VPS13D: variants seen among roughly 807,000 people sequenced by gnomAD.
The protein encoded by VPS13D is vacuolar protein sorting 13 homolog D.
VPS13D carries 187 observed loss-of-function variants against 461.9 expected under a neutral mutation model. That is an observed-to-expected ratio of 0.40 (90% CI 0.36 to 0.46). The LOEUF (loss-of-function observed/expected upper bound fraction) is 0.46. Among genes scored for constraint, VPS13D ranks in the 20% least tolerant of loss-of-function variants. The pLI is 0.60. For synonymous variants in VPS13D, 1,951 were observed against 1,986.3 expected, an observed-to-expected ratio of 0.98 and a Z score of 0.47; for missense variants, 4,711 against 5,364.9, an observed-to-expected ratio of 0.88 and a Z score of 3.81.
Position 12,401,157 on chromosome 1 carries a change from C to T in VPS13D, c.11785-451C>T, listed in dbSNP as rs367955117. On this transcript the variant is annotated intron_variant, in intron 61 of 69. Transcript: ENST00000620676. Reference sequence around the variant, plus strand: ...AGTCTCCACGCACAAGCTAGCTGTTCCAGCAGCAAACTCTGGAAAAGTGGG... The same window carrying T: ...AGTCTCCACGCACAAGCTAGCTGTTTCAGCAGCAAACTCTGGAAAAGTGGG... Among the ~76,000 whole-genome samples the T allele has an allele frequency of 2.6e-5, 4 of 152,292 alleles. No individual in the cohort carries two copies. The East Asian group carries it at 5.8e-4, about 22-fold the overall frequency.
chr1:12,314,714 C>T (rs556215821), intron 30 of VPS13D, among the ~76,000 whole-genome samples: 1 of 152,174 alleles, frequency 6.6e-6, no homozygotes, highest in South Asian at 2.1e-4. Context: ...ACTTGAATTA[C>T]CCATTCAAGT....
Position 12,356,109 on chromosome 1 carries a change from C to T in VPS13D, c.9871+19C>T, listed in dbSNP as rs1307250785. The T allele has an allele frequency of 1.9e-6, 3 of 1,582,924 alleles. No individual in the cohort carries two copies. The highest frequency in any genetic ancestry group is 4.5e-5 in the East Asian group (2 of 44,272). On this transcript the variant is annotated intron_variant, in intron 48 of 69. Coordinates refer to ENST00000620676, the MANE Select transcript of VPS13D (RefSeq NM_015378.4). ...AAAACAGGTACATACAGGGGCTGCT[C>T]AAGTAGGTCTTTGGCGTTAGTCATG...
chr1:12,388,915 A>G (rs1644386208), intron 60 of VPS13D, among the ~76,000 whole-genome samples: 2 of 152,228 alleles, frequency 1.3e-5, no homozygotes, highest in African/African-American at 4.8e-5. Context: ...TTAACATCAG[A>G]CGGAATAGAT....
intron 63 of VPS13D, among the ~76,000 whole-genome samples, chr1:12,408,056 T>C (rs1324911210): frequency 1.3e-5 from 2 of 152,218 alleles, no homozygotes; most frequent in Non-Finnish European, 2.9e-5. Flanking sequence ...GAACGTTCAC[T>C]CAGTTTCTCC....
rs764284126 is a variant in VPS13D, at chr1:12,372,800, C to CTT, written c.10809-932_10809-931dup. 7.8e-4 allele frequency among the ~76,000 whole-genome samples: 99 copies of CTT among 126,752 alleles called. 1 individual carries two copies. The highest frequency in any genetic ancestry group is 2.0e-3 in the African/African-American group (69 of 34,562). 83.2% of individuals were successfully genotyped at this position (126,752 alleles called of 152,430 possible). A position where few individuals can be genotyped will look rare whatever the true frequency, so the allele number is the denominator to read the frequency against. ...TTTTAACGCTGAATTAATCCATTACCTTTTTTTTTTTTTTTTTTTGCTAAT... is the reference window on the plus strand; with the variant it reads ...TTTTAACGCTGAATTAATCCATTACCTTTTTTTTTTTTTTTTTTTTTGCTAAT... On this transcript the variant is annotated intron_variant, in intron 54 of 69. Coordinates refer to ENST00000620676, the MANE Select transcript of VPS13D (RefSeq NM_015378.4).
intron 54 of VPS13D, among the ~76,000 whole-genome samples, chr1:12,371,283 A>G (rs956975706): frequency 3.3e-5 from 5 of 152,134 alleles, no homozygotes; most frequent in Admixed American, 6.5e-5. Context: ...TATTCTGGAC[A>G]TTCACAGAAA....
intron 63 of VPS13D, among the ~76,000 whole-genome samples, chr1:12,405,094 C>T (rs6541020): frequency 0.18 from 28,089 of 152,190 alleles, 4,337 homozygotes; most frequent in African/African-American, 0.42. Flanking sequence ...GCAGGAGCTG[C>T]GCTGGCGATG....
At chr1:12,448,291 A>T (rs2100368489) in intron 65 of VPS13D, among the ~76,000 whole-genome samples, 1 of 152,204 alleles carries the variant, frequency 6.6e-6, no homozygotes, top group Admixed American at 6.5e-5. Context: ...CATAGAGGGA[A>T]TTTTTTTTCC....
chr1:12,293,814 A>G (rs1053437905), intron 24 of VPS13D, 110 bp downstream of exon 24: 5 of 1,148,486 alleles, frequency 4.4e-6, no homozygotes, highest in Non-Finnish European at 4.8e-6. Flanking sequence ...CCTTGCTAAT[A>G]TGTTCTCCGT....
chr1:12,355,987 C>T lies in VPS13D; in HGVS notation c.9768C>T (p.Asp3256=), dbSNP rs894060007. The T allele has an allele frequency of 8.7e-6, 14 of 1,613,726 alleles. No individual in the cohort carries two copies. Among genetic ancestry groups the T allele is most frequent in the East Asian group, 2.2e-5 (1 of 44,876 alleles). Residue 3256 remains aspartate (D), a synonymous_variant, in exon 48 of 70, where the codon GAC becomes GAT. Coordinates refer to ENST00000620676, the MANE Select transcript of VPS13D (RefSeq NM_015378.4). The part of the protein sequence containing the change: ...QNYMVRMRLY[D]VNRRQLNLTI... ...ATATGGTGAGAATGCGACTCTATGA[C>T]GTCAACCGTCGGCAGCTGAACCTCA...
intron 21 of VPS13D, among the ~76,000 whole-genome samples, chr1:12,284,130 C>G (rs1362031737): frequency 6.6e-6 from 1 of 152,148 alleles, no homozygotes; most frequent in Admixed American, 6.5e-5. Flanking sequence ...TTCTGTCTCC[C>G]CATTCTCTCA....
chr1:12,233,941 G>A (rs1640066695), intron 1 of VPS13D, among the ~76,000 whole-genome samples: 2 of 152,126 alleles, frequency 1.3e-5, no homozygotes, highest in South Asian at 4.1e-4. Flanking sequence ...CCAGCTACTT[G>A]GGAGGCTGAG....
chr1:12,337,635 G>T (rs1366270711), intron 39 of VPS13D: 6 of 152,212 alleles, frequency 3.9e-5, no homozygotes. Context: ...GCACTTCATT[G>T]AATTTATTAG....
At chr1:12,361,532 A>T (rs1643949463) in intron 50 of VPS13D, among the ~76,000 whole-genome samples, 1 of 149,736 alleles carries the variant, frequency 6.7e-6, no homozygotes, top group Non-Finnish European at 1.5e-5. Context: ...AGTAGCTGGG[A>T]CTACAGGCGC....
At chr1:12,346,705 C>T in intron 44 of VPS13D, 53 bp downstream of exon 44, 1 of 1,493,782 alleles carries the variant, frequency 6.7e-7, no homozygotes, top group South Asian at 1.2e-5. Flanking sequence ...TACACTGCAC[C>T]TGAATCATGT....
At chr1:12,337,360 G>A (rs954292345) in intron 39 of VPS13D, 4 of 152,146 alleles carry the variant, frequency 2.6e-5, no homozygotes, top group Admixed American at 6.5e-5. Context: ...AGTGAGTAGG[G>A]TTCAACCTTG....
chr1:12,475,850 TTTAGTTTCTTTTAGCTGATGGCCA>T (rs1419263490), intron 67 of VPS13D, among the ~76,000 whole-genome samples: 1 of 152,110 alleles, frequency 6.6e-6, no homozygotes, highest in Non-Finnish European at 1.5e-5. Context: ...TACTTGAATG[TTTAGTTTCTTTTAGCTGATGGCCA>T]AGAAATCAAT....
intron 65 of VPS13D, among the ~76,000 whole-genome samples, chr1:12,443,674 T>C (rs1346236130): frequency 7.3e-6 from 1 of 136,210 alleles, no homozygotes; most frequent in Non-Finnish European, 1.6e-5. Flanking sequence ...CAAAACATGA[T>C]TTTTTTTTTT....
chr1:12,493,854 C>G (rs1189744008), intron 67 of VPS13D, among the ~76,000 whole-genome samples: 1 of 152,222 alleles, frequency 6.6e-6, no homozygotes, highest in African/African-American at 2.4e-5. Context: ...CTACCCACAG[C>G]CTACCAACTT....
Sources: allele counts gnomAD v4.1 joint callset (sites outside exome capture counted in the v4.1 genomes callset), GRCh38; gene constraint gnomAD v4.1.1; transcripts MANE v1.5; gene names NCBI Gene and HGNC (gene_info 2026-07-23, HGNC 2026-07-21).